The following PCCA variants were observed in gnomAD, a reference collection of about 807,000 sequenced individuals.
PCCA encodes the protein propionyl-CoA carboxylase alpha chain, mitochondrial.
In PCCA, 74 loss-of-function variants were observed where a neutral mutation model predicts 101.3. The ratio of observed to expected loss-of-function variants is 0.73; its 90% confidence interval spans 0.61 to 0.89. The LOEUF (loss-of-function observed/expected upper bound fraction) is 0.89, where lower values mean the gene tolerates loss of function less well. PCCA is among the 40% of genes least tolerant of loss of function. PCCA has a pLI of 0.00. For synonymous variants in PCCA, 294 were observed against 313.6 expected (o/e 0.94, Z 0.66); for missense variants, 891 against 907.0 (o/e 0.98, Z 0.23).
chr13:100,143,999 A>G (rs2052230486), intron 4 of PCCA, among the ~76,000 whole-genome samples: 1 of 151,906 alleles, frequency 6.6e-6, no homozygotes, highest in Non-Finnish European at 1.5e-5. Flanking sequence ...CCTGGGCTCA[A>G]ATGATCCTCC....
At chr13:100,425,881 T>C in intron 20 of PCCA, 150 bp downstream of exon 20, 5 of 657,344 alleles carry the variant, frequency 7.6e-6, no homozygotes, top group South Asian at 7.1e-5. Context: ...TCTTTTCTTA[T>C]TTTAGAGGAT....
chr13:100,093,377 AGAG>A (rs2046449171), intron 1 of PCCA, among the ~76,000 whole-genome samples: 1 of 152,166 alleles, frequency 6.6e-6, no homozygotes, highest in African/African-American at 2.4e-5. Flanking sequence ...AGAAGAGACA[AGAG>A]GAGTTAGAGG....
At chr13:100,461,578 C>A (rs1380247470) in intron 21 of PCCA, among the ~76,000 whole-genome samples, 2 of 152,172 alleles carry the variant, frequency 1.3e-5, no homozygotes, top group Admixed American at 1.3e-4. Context: ...ATAAGCAGTC[C>A]CTCAACTGAC....
intron 20 of PCCA, among the ~76,000 whole-genome samples, chr13:100,434,569 A>G (rs2079790763): frequency 1.3e-5 from 2 of 152,216 alleles, no homozygotes; most frequent in South Asian, 4.2e-4. Flanking sequence ...ATTTGGGGGA[A>G]CTTCTCACCT....
Position 100,368,504 on chromosome 13 carries a change from G to T in PCCA, c.1676G>T (p.Trp559Leu), listed in dbSNP as rs118169528. 8.9e-4 allele frequency: 1,435 copies of T among 1,608,618 alleles called. 23 individuals carry two copies. In the East Asian group the frequency reaches 0.029, roughly 32 times the overall value. Residue 559 changes from tryptophan to leucine, a missense_variant, in exon 19 of 24, where the codon TGG becomes TTG. Coordinates refer to ENST00000376285, the MANE Select transcript of PCCA (RefSeq NM_000282.4). ...GTTATTAAACCAGACATAGCCAACT[G>T]GGAGCTCTCAGTAAAATTGCATGAT... ...MPVIKPDIAN[W>L]ELSVKLHDKV...
chr13:100,257,833 C>T (rs1459747314), intron 9 of PCCA, among the ~76,000 whole-genome samples, 160 bp downstream of exon 9: 1 of 152,046 alleles, frequency 6.6e-6, no homozygotes. Flanking sequence ...TATGTGGAAA[C>T]CTTCCTTATT....
chr13:100,444,207 T>C (rs1488466068), intron 20 of PCCA, among the ~76,000 whole-genome samples: 1 of 151,208 alleles, frequency 6.6e-6, no homozygotes, highest in East Asian at 1.9e-4. Flanking sequence ...CCACAATTTT[T>C]TTTTTTTTTT....
chr13:100,314,367 G>C (rs2152704747), intron 16 of PCCA, among the ~76,000 whole-genome samples: 1 of 152,174 alleles, frequency 6.6e-6, no homozygotes, highest in Non-Finnish European at 1.5e-5. Flanking sequence ...TCTGATCCTT[G>C]TCCTTGGGTT....
rs200270988 is a variant in PCCA, at chr13:100,204,555, CTT to C, written c.469-4776_469-4775del. On this transcript the variant is annotated intron_variant, in intron 6 of 23. Transcript: ENST00000376285. ...AATTCATAATATAGCAATTTACTAA[CTT>C]GTGGTATTTCTAAGAATGAAATATG... 6.7e-3 allele frequency among the ~76,000 whole-genome samples: 1,027 copies of C among 152,266 alleles called. 12 individuals are homozygous for C. The highest frequency in any genetic ancestry group is 0.024 in the African/African-American group (982 of 41,538).
chr13:100,140,392 G>C (rs1249528985), intron 4 of PCCA, among the ~76,000 whole-genome samples: 1 of 152,056 alleles, frequency 6.6e-6, no homozygotes, highest in Non-Finnish European at 1.5e-5. Context: ...AATTACTTGG[G>C]GGTTGGGGCA....
At chr13:100,359,928 A>G (rs1353078968) in intron 18 of PCCA, among the ~76,000 whole-genome samples, 1 of 152,130 alleles carries the variant, frequency 6.6e-6, no homozygotes, top group African/African-American at 2.4e-5. Context: ...CTCAGGGAGG[A>G]TGTGGAAGAA....
intron 21 of PCCA, among the ~76,000 whole-genome samples, chr13:100,485,899 A>G (rs953088859): frequency 1.1e-4 from 16 of 152,196 alleles, no homozygotes; most frequent in African/African-American, 3.6e-4. Context: ...AGGGCTCTCT[A>G]AGAACAAAAG....
At chr13:100,361,372 G>C (rs769262414) in intron 18 of PCCA, among the ~76,000 whole-genome samples, 2 of 152,020 alleles carry the variant, frequency 1.3e-5, no homozygotes, top group Non-Finnish European at 2.9e-5. Context: ...GAATTCATGT[G>C]GGGGAGGATG....
At chr13:100,217,730 C>CT (rs1001551940) in intron 7 of PCCA, among the ~76,000 whole-genome samples, 1 of 149,414 alleles carries the variant, frequency 6.7e-6, no homozygotes, top group Non-Finnish European at 1.5e-5. Flanking sequence ...TGGCAGGCAC[C>CT]TGTAATGTCA....
chr13:100,515,053 A>T (rs990150780), intron 21 of PCCA, among the ~76,000 whole-genome samples: 9 of 152,214 alleles, frequency 5.9e-5, no homozygotes, highest in African/African-American at 2.2e-4. Flanking sequence ...CACCTCCTCC[A>T]TCCCCTGGGT....
intron 12 of PCCA, among the ~76,000 whole-genome samples, chr13:100,288,573 A>C (rs2064875018): frequency 6.6e-6 from 1 of 152,218 alleles, no homozygotes; most frequent in South Asian, 2.1e-4. Flanking sequence ...GTGCCAGGGC[A>C]CCCGGCGATA....
intron 4 of PCCA, among the ~76,000 whole-genome samples, chr13:100,141,128 A>C (rs2051816857): frequency 6.6e-6 from 1 of 152,150 alleles, no homozygotes; most frequent in African/African-American, 2.4e-5. Flanking sequence ...AGACTTCCCA[A>C]AATCCAAACA....
chr13:100,348,923 T>TTTCTTTCCTTCCTTCCTTCCTTC (rs2072894305), intron 18 of PCCA, among the ~76,000 whole-genome samples: 9 of 42,718 alleles, frequency 2.1e-4, no homozygotes, highest in Non-Finnish European at 3.9e-4. Flanking sequence ...TCTTTTCTTT[T>TTTCTTTCCTTCCTTCCTTCCTTC]CTTTTCTTTT....
chr13:100,118,184 A>G (rs1055823165), intron 4 of PCCA, among the ~76,000 whole-genome samples: 1 of 152,022 alleles, frequency 6.6e-6, no homozygotes, highest in Non-Finnish European at 1.5e-5. Context: ...CGTAAATACT[A>G]TTCATCTCGC....
Sources: gnomAD v4.1 joint callset for allele counts (sites outside exome capture counted in the v4.1 genomes callset) on GRCh38, gnomAD v4.1.1 for gene constraint, MANE v1.5 for transcripts, NCBI Gene and HGNC (gene_info 2026-07-23, HGNC 2026-07-21) for gene names.